Variants in GABRG3 observed in about 807,000 individuals in gnomAD.
GABRG3 encodes gamma-aminobutyric acid receptor subunit gamma-3.
A neutral mutation model predicts 48.8 loss-of-function variants in GABRG3; 25 were observed. That is an observed-to-expected ratio of 0.51 (90% confidence interval 0.37 to 0.72). The LOEUF (loss-of-function observed/expected upper bound fraction) is 0.72. Ranked by LOEUF, GABRG3 falls within the 30% of genes least tolerant of loss-of-function variation. The probability of loss-of-function intolerance (pLI) is 0.00; values close to 1 mark genes in which losing one functional copy is unlikely to be tolerated. For missense variants in GABRG3, 394 were observed against 577.9 expected (o/e 0.68, Z 3.26); for synonymous variants, 227 against 217.6 (o/e 1.04, Z -0.38).
intron 3 of GABRG3, among the ~76,000 whole-genome samples, chr15:27,171,083 G>T (rs1369258500): frequency 1.3e-5 from 2 of 152,316 alleles, no homozygotes; most frequent in East Asian, 3.9e-4. Context: ...GGGGACCAGA[G>T]GAGAGGACCA....
chr15:27,483,157 G>C (rs911738405), intron 6 of GABRG3: 2 of 152,162 alleles, frequency 1.3e-5, no homozygotes, highest in Non-Finnish European at 2.9e-5. Context: ...CAGAAACAAC[G>C]TGTTGTCTCT....
chr15:27,063,969 C>T (rs555797910), intron 3 of GABRG3, among the ~76,000 whole-genome samples: 1 of 152,310 alleles, frequency 6.6e-6, no homozygotes, highest in African/African-American at 2.4e-5. Context: ...CACAGTCCAT[C>T]CCTTACTGCC....
At chr15:27,184,218 C>G (rs1168765297) in intron 3 of GABRG3, among the ~76,000 whole-genome samples, 1 of 152,158 alleles carries the variant, frequency 6.6e-6, no homozygotes, top group Non-Finnish European at 1.5e-5. Flanking sequence ...AATGATAGAT[C>G]AAGGATAGGA....
intron 3 of GABRG3, among the ~76,000 whole-genome samples, chr15:27,047,646 C>T (rs893571509): frequency 6.6e-6 from 1 of 152,188 alleles, no homozygotes; most frequent in Non-Finnish European, 1.5e-5. Flanking sequence ...TTATACCTTG[C>T]AAGCCTCCTT....
chr15:27,058,457 T>G (rs940638871), intron 3 of GABRG3, among the ~76,000 whole-genome samples: 4 of 152,206 alleles, frequency 2.6e-5, no homozygotes, highest in African/African-American at 9.6e-5. Flanking sequence ...CTGATTGCTC[T>G]GTTTGACTCA....
At chr15:27,333,095 T>C (rs1893854400) in intron 5 of GABRG3, among the ~76,000 whole-genome samples, 1 of 152,222 alleles carries the variant, frequency 6.6e-6, no homozygotes, top group Non-Finnish European at 1.5e-5. Flanking sequence ...ATATGGACTC[T>C]TGGACAAACA....
intron 3 of GABRG3, among the ~76,000 whole-genome samples, chr15:27,308,358 T>TATATAAAC (rs1206882561): frequency 1.1e-5 from 1 of 88,814 alleles, no homozygotes; most frequent in Non-Finnish European, 2.5e-5. Flanking sequence ...CATACGTTTA[T>TATATAAAC]ATATAAACAT....
intron 6 of GABRG3, among the ~76,000 whole-genome samples, chr15:27,494,640 A>G (rs560599177): frequency 3.3e-5 from 5 of 152,264 alleles, no homozygotes; most frequent in Admixed American, 2.0e-4. Context: ...AAGTTGTTAC[A>G]CTATTCCCTG....
chr15:27,079,768 A>C (rs1321987773), intron 3 of GABRG3, among the ~76,000 whole-genome samples: 2 of 152,224 alleles, frequency 1.3e-5, no homozygotes, highest in Non-Finnish European at 2.9e-5. Flanking sequence ...ACACTGTCCC[A>C]AAACAGCTCT....
rs867905873 is a variant in GABRG3, at chr15:27,045,819, G to A, written c.270+18998G>A. Among the ~76,000 whole-genome samples the A allele has an allele frequency of 3.3e-5, 5 of 152,282 alleles. No homozygotes were observed. The South Asian group carries it at 6.2e-4, about 19-fold the overall frequency. The stretch of plus-strand genomic sequence containing the variant: ...ATGCCCGTGCCCAGGTCTTTCCTCC[G>A]GAGGCAGCGTGGGCTCTGCAAGGCC... On this transcript the variant is annotated intron_variant, in intron 3 of 9. Coordinates refer to ENST00000615808, the MANE Select transcript of GABRG3 (RefSeq NM_033223.5).
At chr15:27,307,713 A>G (rs1180550000) in intron 3 of GABRG3, among the ~76,000 whole-genome samples, 1 of 129,798 alleles carries the variant, frequency 7.7e-6, no homozygotes, top group African/African-American at 2.9e-5. Flanking sequence ...ATATAAACCT[A>G]TAGGTTTATA....
chr15:27,174,952 T>G (rs1471070861), intron 3 of GABRG3, among the ~76,000 whole-genome samples: 1 of 152,062 alleles, frequency 6.6e-6, no homozygotes, highest in Non-Finnish European at 1.5e-5. Flanking sequence ...GGCATTGCTG[T>G]TAGGTCGTCA....
At chr15:27,005,603 T>C (rs1212767221) in intron 2 of GABRG3, among the ~76,000 whole-genome samples, 2 of 152,288 alleles carry the variant, frequency 1.3e-5, no homozygotes, top group Admixed American at 6.5e-5. Context: ...GCCACGTTGC[T>C]GCAAAGGACA....
At chr15:27,048,720 C>T (rs1896406783) in intron 3 of GABRG3, among the ~76,000 whole-genome samples, 1 of 152,186 alleles carries the variant, frequency 6.6e-6, no homozygotes, top group Non-Finnish European at 1.5e-5. Context: ...TTTCCTTATA[C>T]TTAAATCTCT....
Position 27,328,798 on chromosome 15 carries a change from T to G in GABRG3, c.492-8T>G, listed in dbSNP as rs1256406388. 1.7e-5 allele frequency: 28 copies of G among 1,613,706 alleles called. No individual in the cohort carries two copies. In the Admixed American group the frequency reaches 4.2e-4, roughly 24 times the overall value. On this transcript the variant is annotated splice_polypyrimidine_tract_variant and splice_region_variant and intron_variant, in intron 4 of 9. Transcript: ENST00000615808. ...GCTGAGCTAGACTGACACTTGGCTT[T>G]TTCGCAGGCTCACCATCAATGCTGA...
chr15:27,311,356 T>G (rs529870753), intron 3 of GABRG3, among the ~76,000 whole-genome samples: 7 of 152,248 alleles, frequency 4.6e-5, no homozygotes, highest in Non-Finnish European at 8.8e-5. Flanking sequence ...AGATTTTCCT[T>G]GGGGAGGGAA....
chr15:27,124,683 G>A (rs894728855), intron 3 of GABRG3, among the ~76,000 whole-genome samples: 13 of 152,148 alleles, frequency 8.5e-5, no homozygotes, highest in African/African-American at 2.7e-4. Flanking sequence ...AGGGAAGCAG[G>A]GGAGTAGGGG....
chr15:27,391,045 A>T (rs776076411), intron 5 of GABRG3, among the ~76,000 whole-genome samples: 7 of 151,700 alleles, frequency 4.6e-5, no homozygotes, highest in Non-Finnish European at 8.8e-5. Flanking sequence ...CCAAGATCAC[A>T]CCATTGCACT....
At chr15:27,282,862 C>T (rs778174579) in intron 3 of GABRG3, among the ~76,000 whole-genome samples, 2 of 152,256 alleles carry the variant, frequency 1.3e-5, no homozygotes, top group Non-Finnish European at 2.9e-5. Flanking sequence ...CAGTCCTCTG[C>T]TAAAATCGTG....
Sources: gnomAD v4.1 joint callset for allele counts (sites outside exome capture counted in the v4.1 genomes callset) on GRCh38, gnomAD v4.1.1 for gene constraint, MANE v1.5 for transcripts, NCBI Gene and HGNC (gene_info 2026-07-23, HGNC 2026-07-21) for gene names.